The following ABHD10 variants were observed in gnomAD, a reference collection of about 807,000 sequenced individuals.
The protein encoded by ABHD10 is abhydrolase domain containing 10, depalmitoylase, also known as palmitoyl-protein thioesterase ABHD10, mitochondrial.
ABHD10 carries 22 observed loss-of-function variants against 33.1 expected under a neutral mutation model. That is an observed-to-expected ratio of 0.66 (90% confidence interval 0.47 to 0.95). The LOEUF is 0.95. ABHD10 is among the 40% of genes least tolerant of loss of function. The pLI is 0.00. For synonymous variants in ABHD10, 146 were observed against 133.9 expected, an observed-to-expected ratio of 1.09 and a Z score of -0.62; for missense variants, 352 against 379.9, an observed-to-expected ratio of 0.93 and a Z score of 0.61.
At chr3:111,990,735 A>C in intron 4 of ABHD10, 1 of 1,419,342 alleles carries the variant, frequency 7.0e-7, no homozygotes, top group Non-Finnish European at 9.3e-7. Flanking sequence ...CTTTACATTC[A>C]GCCTAAAATT....
At chr3:111,988,268 CAT>C (rs749092438) in intron 4 of ABHD10, among the ~76,000 whole-genome samples, 3 of 152,062 alleles carry the variant, frequency 2.0e-5, no homozygotes, top group Non-Finnish European at 4.4e-5. Flanking sequence ...TCAGGTTTCT[CAT>C]ATTATTTCCT....
intron 4 of ABHD10, chr3:111,990,858 T>G (rs572827637): frequency 4.0e-6 from 2 of 498,948 alleles, no homozygotes; most frequent in Non-Finnish European, 6.3e-6. Context: ...TAGCTACTTA[T>G]AAGCACTTTT....
intron 4 of ABHD10, among the ~76,000 whole-genome samples, chr3:111,988,417 C>T (rs564757490): frequency 1.5e-4 from 23 of 152,156 alleles, no homozygotes; most frequent in Admixed American, 1.2e-3. Context: ...TTTTGTGGAT[C>T]TAAATGTGGA....
At chr3:111,987,479 C>T (rs1352638980) in intron 4 of ABHD10, among the ~76,000 whole-genome samples, 2 of 152,094 alleles carry the variant, frequency 1.3e-5, no homozygotes, top group Non-Finnish European at 2.9e-5. Flanking sequence ...CTGCAGTCAT[C>T]CCTTGGTATC....
intron 4 of ABHD10, among the ~76,000 whole-genome samples, chr3:111,987,783 A>G (rs1352093457): frequency 6.6e-6 from 1 of 152,196 alleles, no homozygotes; most frequent in Non-Finnish European, 1.5e-5. Context: ...GAAACCATGA[A>G]TATGGAGAGC....
chr3:111,982,730 A>T (rs1341995778), intron 2 of ABHD10, among the ~76,000 whole-genome samples: 1 of 152,172 alleles, frequency 6.6e-6, no homozygotes, highest in Admixed American at 6.5e-5. Context: ...CTTCTGAGTT[A>T]TTTTCTAGCA....
intron 2 of ABHD10, among the ~76,000 whole-genome samples, chr3:111,985,837 A>G (rs528614200): frequency 2.6e-5 from 4 of 152,234 alleles, no homozygotes; most frequent in East Asian, 1.9e-4. Context: ...AGAGAAAACA[A>G]TGAGAAATGA....
At chr3:111,983,085 C>G (rs2072606204) in intron 2 of ABHD10, among the ~76,000 whole-genome samples, 1 of 151,974 alleles carries the variant, frequency 6.6e-6, no homozygotes. Flanking sequence ...ACCTTTCATT[C>G]AGGGTGGGGA....
rs532179536 is a variant in ABHD10 at position 111,982,096 on chromosome 3, A to G, written c.326+129A>G. On this transcript the variant is annotated intron_variant, in intron 2 of 4. Coordinates refer to ENST00000273359, the MANE Select transcript of ABHD10 (RefSeq NM_018394.4). Reference sequence around the variant, plus strand: ...TTATTTTAATGGTCTGTAAACTTGCATCTTGTGATTTAGGGTAATTTTAAA... The same window carrying G: ...TTATTTTAATGGTCTGTAAACTTGCGTCTTGTGATTTAGGGTAATTTTAAA... The G allele has an allele frequency of 8.8e-6, 7 of 798,846 alleles. No homozygotes were observed. The African/African-American group carries it at 1.1e-4, about 12-fold the overall frequency. 49.5% of individuals were successfully genotyped at this position (798,846 alleles called of 1,614,324 possible).
intron 2 of ABHD10, among the ~76,000 whole-genome samples, chr3:111,985,121 A>G (rs766111333): frequency 9.9e-5 from 15 of 152,224 alleles, no homozygotes; most frequent in Non-Finnish European, 1.8e-4. Context: ...GACATGACTT[A>G]AAGGGTGACT....
rs2072742794 is a variant in ABHD10 at position 111,991,774 on chromosome 3, G to A, written c.*53G>A. 7.2e-7 allele frequency: 1 copy of A among 1,390,174 alleles called. No individual in the cohort carries two copies. The highest frequency in any genetic ancestry group is 1.4e-5 in the South Asian group (1 of 73,912). The allele number at this position is 1,390,174 out of a possible 1,614,324, so 86.1% of individuals were successfully genotyped here. On this transcript the variant is annotated 3_prime_UTR_variant, in exon 5 of 5. Coordinates refer to ENST00000273359, the MANE Select transcript of ABHD10 (RefSeq NM_018394.4). ...TAATGTATCCAGAAGATTGGAAGAGGGATAAGAAATGAAAGATCCTGATAC... is the reference window on the plus strand; with the variant it reads ...TAATGTATCCAGAAGATTGGAAGAGAGATAAGAAATGAAAGATCCTGATAC...
chr3:111,986,010 G>A (rs562395521), intron 2 of ABHD10, among the ~76,000 whole-genome samples: 1 of 152,268 alleles, frequency 6.6e-6, no homozygotes, highest in Admixed American at 6.5e-5. Context: ...AGACTTTTTA[G>A]GAGACTATTG....
intron 1 of ABHD10, among the ~76,000 whole-genome samples, chr3:111,981,458 A>G (rs510549): frequency 0.65 from 98,962 of 152,012 alleles, 33,059 homozygotes; most frequent in African/African-American, 0.71. Context: ...TACTGTTTAG[A>G]ATACATGATA....
chr3:111,991,889 G>A lies in ABHD10; in HGVS notation c.*168G>A, dbSNP rs1403120445. 3.8e-6 allele frequency: 2 copies of A among 523,918 alleles called. No homozygotes were observed. The highest frequency in any genetic ancestry group is 2.0e-5 in the African/African-American group (1 of 49,772). The allele number at this position is 523,918 out of a possible 1,614,324, so 32.5% of individuals were successfully genotyped here. ...CATAAGTAATGCAAATTGTGAAGAA[G>A]GACCAGCTGCTGTTTAGAAAATTTT... On this transcript the variant is annotated 3_prime_UTR_variant, in exon 5 of 5. Transcript: ENST00000273359.
At chr3:111,981,329 A>AG (rs1483225229) in intron 1 of ABHD10, among the ~76,000 whole-genome samples, 203 of 143,382 alleles carry the variant, frequency 1.4e-3, no homozygotes, top group African/African-American at 5.4e-3. Flanking sequence ...AAAAAAAAAA[A>AG]AAAAGAAAGA....
intron 2 of ABHD10, among the ~76,000 whole-genome samples, chr3:111,985,677 A>G (rs907247821): frequency 5.9e-5 from 9 of 152,214 alleles, no homozygotes; most frequent in African/African-American, 2.2e-4. Flanking sequence ...TTTTCTGAGG[A>G]TGTAATATTT....
chr3:111,982,236 T>C (rs1051924548), intron 2 of ABHD10: 6 of 273,068 alleles, frequency 2.2e-5, no homozygotes, highest in Admixed American at 5.2e-5. Flanking sequence ...CAATAATGTA[T>C]GTGACAACAA....
chr3:111,991,268 T>G, intron 4 of ABHD10, 109 bp from the exon 5 acceptor site: 1 of 879,298 alleles, frequency 1.1e-6, no homozygotes. Context: ...TTTTGTTATC[T>G]CTATCCTCTT....
intron 4 of ABHD10, among the ~76,000 whole-genome samples, chr3:111,989,788 A>C (rs1433381868): frequency 6.6e-6 from 1 of 150,878 alleles, no homozygotes; most frequent in African/African-American, 2.4e-5. Context: ...TCATTTGGAG[A>C]CATATTTAGA....
Sources: allele counts gnomAD v4.1 joint callset (sites outside exome capture counted in the v4.1 genomes callset), GRCh38; gene constraint gnomAD v4.1.1; transcripts MANE v1.5; gene names NCBI Gene and HGNC (gene_info 2026-07-23, HGNC 2026-07-21).